KAZN: variants seen among roughly 807,000 people sequenced by gnomAD.
The protein encoded by KAZN is kazrin, periplakin interacting protein.
Under a neutral mutation model 87.4 loss-of-function variants are expected in KAZN, and 40 were observed. The ratio of observed to expected loss-of-function variants is 0.46; its 90% confidence interval spans 0.36 to 0.60. KAZN has a LOEUF of 0.60. KAZN is among the 20% of genes least tolerant of loss of function. The probability of loss-of-function intolerance (pLI) is 0.00; values close to 1 mark genes in which losing one functional copy is unlikely to be tolerated. For missense variants in KAZN, 898 were observed against 1,073.9 expected, an observed-to-expected ratio of 0.84 and a Z score of 2.29; for synonymous variants, 466 against 458.3, an observed-to-expected ratio of 1.02 and a Z score of -0.22.
chr1:14,221,173 C>T (rs1211809641), intron 2 of KAZN, among the ~76,000 whole-genome samples: 2 of 152,178 alleles, frequency 1.3e-5, no homozygotes, highest in African/African-American at 4.8e-5. Flanking sequence ...ATCTCTTCCT[C>T]TTTCATATCC....
At chr1:14,397,898 G>A (rs961125103) in intron 2 of KAZN, among the ~76,000 whole-genome samples, 11 of 147,536 alleles carry the variant, frequency 7.5e-5, no homozygotes, top group Non-Finnish European at 1.6e-4. Flanking sequence ...AAGGAAGGAT[G>A]TGCCTGTTCT....
intron 1 of KAZN, among the ~76,000 whole-genome samples, chr1:14,602,266 C>T (rs754711825): frequency 6.6e-6 from 1 of 152,174 alleles, no homozygotes; most frequent in African/African-American, 2.4e-5. Flanking sequence ...TTCGGCACTT[C>T]GGAGGATATT....
intron 1 of KAZN, among the ~76,000 whole-genome samples, chr1:13,933,105 G>A (rs1557729680): frequency 6.6e-6 from 1 of 151,942 alleles, no homozygotes; most frequent in Non-Finnish European, 1.5e-5. Flanking sequence ...TAAACTCAAG[G>A]CGTTATTTGG....
rs1329827392 is a variant in KAZN, at chr1:14,856,406, G to A, written c.227-104278G>A. Reference sequence around the variant, plus strand: ...ATGCTAAGGAATTTTGAAGAAGGAGGCAATATTTCCATAGGTGGCATAGCT... The same window carrying A: ...ATGCTAAGGAATTTTGAAGAAGGAGACAATATTTCCATAGGTGGCATAGCT... On this transcript the variant is annotated intron_variant, in intron 1 of 14. Transcript: ENST00000376030. The surrounding 1 kb of genome is among the most constrained non-coding windows in gnomAD (Gnocchi z 5.2). Among the ~76,000 whole-genome samples, 1 of 152,154 alleles carries A rather than the reference G, an allele frequency of 6.6e-6. No individual in the cohort carries two copies. The highest frequency in any genetic ancestry group is 1.5e-5 in the Non-Finnish European group (1 of 68,018).
intron 1 of KAZN, among the ~76,000 whole-genome samples, chr1:13,948,706 A>G (rs150421533): frequency 2.6e-5 from 4 of 152,112 alleles, no homozygotes; most frequent in East Asian, 1.9e-4. Context: ...TTTTTCTGCA[A>G]ACAATCTTTT....
At chr1:14,478,059 A>C (rs1668852267) in intron 2 of KAZN, among the ~76,000 whole-genome samples, 1 of 152,020 alleles carries the variant, frequency 6.6e-6, no homozygotes, top group African/African-American at 2.4e-5. Context: ...CCTCACTCCC[A>C]CCCTCATTCT....
intron 1 of KAZN, among the ~76,000 whole-genome samples, chr1:14,173,603 T>G (rs1021941012): frequency 3.3e-5 from 5 of 152,218 alleles, no homozygotes; most frequent in Admixed American, 6.5e-5. Context: ...CTTTTTCAGC[T>G]GGGAGTGGTA....
At chr1:14,682,488 C>A (rs1328183256) in intron 1 of KAZN, among the ~76,000 whole-genome samples, 1 of 151,856 alleles carries the variant, frequency 6.6e-6, no homozygotes, top group Non-Finnish European at 1.5e-5. Flanking sequence ...CAGGATCTCC[C>A]TGTTGCCCAT....
In KAZN at chr1:14,598,838, G is replaced by A; in HGVS notation, c.-160G>A. On this transcript the variant is annotated 5_prime_UTR_variant, in exon 1 of 15. Coordinates refer to ENST00000376030, the MANE Select transcript of KAZN (RefSeq NM_201628.3). This position sits in a 1 kb window ranked among gnomAD's most constrained non-coding sequence, Gnocchi z 4.2. Reference sequence around the variant, plus strand: ...CTGGAGGCGCCGCTGTCATTCCTGTGCCGGAGGAACCGGCGCTGCCGGTGC... The same window carrying A: ...CTGGAGGCGCCGCTGTCATTCCTGTACCGGAGGAACCGGCGCTGCCGGTGC... 7.1e-7 allele frequency: 1 copy of A among 1,402,896 alleles called. No individual in the cohort carries two copies. The highest frequency in any genetic ancestry group is 9.2e-7 in the Non-Finnish European group (1 of 1,085,328). The allele number at this position is 1,402,896 out of a possible 1,614,324, so 86.9% of individuals were successfully genotyped here.
At chr1:13,916,329 C>T (rs1639850132) in intron 1 of KAZN, among the ~76,000 whole-genome samples, 1 of 152,130 alleles carries the variant, frequency 6.6e-6, no homozygotes, top group African/African-American at 2.4e-5. Context: ...TGATTATGTT[C>T]TGTTTCTTAT....
At chr1:14,992,276 C>G (rs72639815) in intron 2 of KAZN, among the ~76,000 whole-genome samples, 5,190 of 152,248 alleles carry the variant, frequency 0.034, 147 homozygotes, top group Middle Eastern at 0.051. Flanking sequence ...AGGAAGGACA[C>G]AAGATGGGAG....
intron 2 of KAZN, among the ~76,000 whole-genome samples, chr1:14,251,062 A>G (rs1183412455): frequency 1.3e-5 from 2 of 152,156 alleles, no homozygotes; most frequent in Non-Finnish European, 2.9e-5. Flanking sequence ...ACCAGCAGGA[A>G]AGAAAGGGCC....
chr1:14,886,437 T>TACACAC (rs34119523), intron 1 of KAZN, among the ~76,000 whole-genome samples: 8 of 147,212 alleles, frequency 5.4e-5, no homozygotes, highest in African/African-American at 1.3e-4. Context: ...CACACACACA[T>TACACAC]ACACACACAC....
intron 2 of KAZN, among the ~76,000 whole-genome samples, chr1:15,022,375 C>T (rs953757593): frequency 6.6e-6 from 1 of 151,426 alleles, no homozygotes; most frequent in African/African-American, 2.4e-5. Context: ...CGGAGTTTTG[C>T]GGTTGGGGAG....
intron 1 of KAZN, among the ~76,000 whole-genome samples, chr1:13,911,165 C>T (rs1029495481): frequency 8.5e-5 from 13 of 152,342 alleles, no homozygotes; most frequent in Admixed American, 5.9e-4. Context: ...TCTTCTGCCT[C>T]AGCCTCCCAA....
intron 1 of KAZN, among the ~76,000 whole-genome samples, chr1:13,926,447 A>G (rs1570298351): frequency 6.6e-6 from 1 of 152,140 alleles, no homozygotes; most frequent in African/African-American, 2.4e-5. Flanking sequence ...AACAGTCTCC[A>G]CTTGTGTTTC....
At chr1:14,650,404 A>T (rs982212620) in intron 1 of KAZN, among the ~76,000 whole-genome samples, 6 of 152,136 alleles carry the variant, frequency 3.9e-5, no homozygotes, top group African/African-American at 1.4e-4. Context: ...AAAATTAAAA[A>T]ATTAGCCAGG....
chr1:15,017,206 G>A (rs1031422437), intron 2 of KAZN, among the ~76,000 whole-genome samples: 1 of 152,008 alleles, frequency 6.6e-6, no homozygotes, highest in African/African-American at 2.4e-5. Context: ...GCTGAGGCAC[G>A]AGAATTGCTT....
At chr1:14,891,264 G>A (rs963355310) in intron 1 of KAZN, among the ~76,000 whole-genome samples, 1 of 152,082 alleles carries the variant, frequency 6.6e-6, no homozygotes, top group Admixed American at 6.6e-5. Flanking sequence ...CATCACCATA[G>A]CAGTATACGC....
Sources: allele counts gnomAD v4.1 joint callset (sites outside exome capture counted in the v4.1 genomes callset), GRCh38; gene constraint gnomAD v4.1.1; non-coding constraint Gnocchi (gnomAD v3.1); transcripts MANE v1.5; gene names NCBI Gene and HGNC (gene_info 2026-07-23, HGNC 2026-07-21).